CRPPA: variants seen among roughly 807,000 people sequenced by gnomAD.
The protein encoded by CRPPA is D-ribitol-5-phosphate cytidylyltransferase.
Under a neutral mutation model 52.0 loss-of-function variants are expected in CRPPA, and 43 were observed. The observed-to-expected ratio is 0.83, with a 90% CI of 0.65 to 1.07. CRPPA has a LOEUF of 1.07. Ranked by LOEUF, CRPPA falls within the 50% of genes least tolerant of loss-of-function variation. The pLI, the probability that CRPPA is intolerant of heterozygous loss-of-function variation, is 0.00. For synonymous variants in CRPPA, 250 were observed against 203.5 expected (o/e 1.23, Z -1.94); for missense variants, 629 against 551.7 (o/e 1.14, Z -1.40).
chr7:16,417,763 A>G (rs756975104), intron 1 of CRPPA, among the ~76,000 whole-genome samples: 7 of 152,162 alleles, frequency 4.6e-5, no homozygotes, highest in Non-Finnish European at 1.0e-4. Flanking sequence ...CTACACACAC[A>G]TTCCCTCTGA....
intron 2 of CRPPA, among the ~76,000 whole-genome samples, chr7:16,397,796 T>C (rs1427204515): frequency 1.3e-5 from 2 of 152,110 alleles, no homozygotes; most frequent in African/African-American, 4.8e-5. Context: ...ACTGACATGA[T>C]TGGCACGTGT....
chr7:16,329,618 A>G (rs1256282376), intron 3 of CRPPA, among the ~76,000 whole-genome samples: 2 of 152,210 alleles, frequency 1.3e-5, no homozygotes, highest in Non-Finnish European at 2.9e-5. Flanking sequence ...CCTTACAAGT[A>G]TTGTATCAGA....
intron 3 of CRPPA, among the ~76,000 whole-genome samples, chr7:16,342,508 A>C (rs938510120): frequency 6.6e-6 from 1 of 151,990 alleles, no homozygotes; most frequent in Non-Finnish European, 1.5e-5. Flanking sequence ...ACTGAAATAT[A>C]ATTTTAAATA....
intron 9 of CRPPA, among the ~76,000 whole-genome samples, chr7:16,148,150 C>A (rs1783009677): frequency 1.3e-5 from 2 of 152,058 alleles, no homozygotes; most frequent in African/African-American, 4.8e-5. Flanking sequence ...TATAAACAAA[C>A]ATGTATACAT....
intron 9 of CRPPA, among the ~76,000 whole-genome samples, chr7:16,130,856 G>C (rs1782667930): frequency 6.6e-6 from 1 of 152,058 alleles, no homozygotes; most frequent in African/African-American, 2.4e-5. Context: ...TAAGGCCTTT[G>C]GGGGGTGATT....
At chr7:16,357,623 C>G (rs945216970) in intron 3 of CRPPA, among the ~76,000 whole-genome samples, 2 of 152,202 alleles carry the variant, frequency 1.3e-5, no homozygotes, top group Non-Finnish European at 2.9e-5. Flanking sequence ...TCTGCCTTGT[C>G]ACTACAGGAA....
intron 9 of CRPPA, among the ~76,000 whole-genome samples, chr7:16,138,602 GGA>G (rs1491270024): frequency 6.6e-6 from 1 of 151,804 alleles, no homozygotes; most frequent in African/African-American, 2.4e-5. Context: ...ATAAAAACAG[GGA>G]AAAAATGTAA....
chr7:16,204,395 T>C (rs758005417), intron 9 of CRPPA, among the ~76,000 whole-genome samples: 2 of 152,106 alleles, frequency 1.3e-5, no homozygotes, highest in Non-Finnish European at 2.9e-5. Flanking sequence ...ATACCAAGTT[T>C]TCAGTTATTA....
intron 9 of CRPPA, among the ~76,000 whole-genome samples, chr7:16,138,544 A>G (rs898073354): frequency 1.6e-4 from 24 of 152,186 alleles, no homozygotes; most frequent in African/African-American, 5.3e-4. Context: ...TCTACCATCA[A>G]TTAGAAGTGA....
chr7:16,383,817 T>A (rs1428559711), intron 2 of CRPPA, among the ~76,000 whole-genome samples: 4 of 152,200 alleles, frequency 2.6e-5, no homozygotes, highest in Non-Finnish European at 5.9e-5. Context: ...GGATATAATC[T>A]CCTGGTGTGC....
chr7:16,209,061 G>T (rs943864125), intron 9 of CRPPA: 5 of 408,306 alleles, frequency 1.2e-5, no homozygotes, highest in Admixed American at 2.5e-5. Flanking sequence ...AGGGGAAGTG[G>T]TGTTATGACA....
At chr7:16,301,988 A>G (rs960076142) in intron 4 of CRPPA, among the ~76,000 whole-genome samples, 2 of 152,178 alleles carry the variant, frequency 1.3e-5, no homozygotes, top group African/African-American at 4.8e-5. Flanking sequence ...AAATAGAAAG[A>G]GCCTATAGGG....
intron 9 of CRPPA, among the ~76,000 whole-genome samples, chr7:16,096,184 C>T: frequency 6.6e-6 from 1 of 151,820 alleles, no homozygotes; most frequent in South Asian, 2.1e-4. Context: ...CCTTAGAGGA[C>T]ATTAAAATAA....
chr7:16,173,556 C>T (rs533010155), intron 9 of CRPPA, among the ~76,000 whole-genome samples: 15 of 152,140 alleles, frequency 9.9e-5, no homozygotes, highest in African/African-American at 2.2e-4. Flanking sequence ...ATAAATAAAC[C>T]GTTAAAACTA....
intron 5 of CRPPA, among the ~76,000 whole-genome samples, 187 bp downstream of exon 5, chr7:16,301,234 C>T (rs1562617867): frequency 6.6e-6 from 1 of 152,148 alleles, no homozygotes; most frequent in Non-Finnish European, 1.5e-5. Context: ...AATGTGGTAT[C>T]ATAGTAACTG....
chr7:16,106,606 G>A (rs1782156962), intron 9 of CRPPA, among the ~76,000 whole-genome samples: 1 of 152,180 alleles, frequency 6.6e-6, no homozygotes, highest in Non-Finnish European at 1.5e-5. Flanking sequence ...GGCCCTTCCA[G>A]AATCACAGTC....
intron 9 of CRPPA, among the ~76,000 whole-genome samples, chr7:16,096,957 A>G (rs1781946175): frequency 6.6e-6 from 1 of 152,186 alleles, no homozygotes; most frequent in African/African-American, 2.4e-5. Flanking sequence ...CCCACAATGA[A>G]CACATTTTAT....
intron 3 of CRPPA, among the ~76,000 whole-genome samples, chr7:16,316,205 A>T (rs1453957925): frequency 6.6e-6 from 1 of 152,120 alleles, no homozygotes; most frequent in Non-Finnish European, 1.5e-5. Context: ...ATAGCTGTGC[A>T]GGTGGCAGAA....
intron 6 of CRPPA, among the ~76,000 whole-genome samples, chr7:16,264,626 C>T (rs1040149937): frequency 6.6e-6 from 1 of 152,172 alleles, no homozygotes; most frequent in African/African-American, 2.4e-5. Context: ...AGTCAATCAT[C>T]TTTTTACAGA....
Sources: gnomAD v4.1 joint callset for allele counts (sites outside exome capture counted in the v4.1 genomes callset) on GRCh38, gnomAD v4.1.1 for gene constraint, MANE v1.5 for transcripts, NCBI Gene and HGNC (gene_info 2026-07-23, HGNC 2026-07-21) for gene names.